NRXN3: variants seen among roughly 807,000 people sequenced by gnomAD.
The protein encoded by NRXN3 is neurexin 3, also known as neurexin III.
Under a neutral mutation model 137.6 loss-of-function variants are expected in NRXN3, and 32 were observed. The ratio of observed to expected loss-of-function variants is 0.23; its 90% confidence interval spans 0.18 to 0.31. NRXN3 has a LOEUF of 0.31. Ranked by LOEUF, NRXN3 falls within the 10% of genes least tolerant of loss-of-function variation. The probability of loss-of-function intolerance (pLI) is 1.00; values close to 1 mark genes in which losing one functional copy is unlikely to be tolerated. For synonymous variants in NRXN3, 798 were observed against 784.5 expected (o/e 1.02, Z -0.29); for missense variants, 1,574 against 2,062.5 (o/e 0.76, Z 4.59).
chr14:78,931,595 T>C (rs1400177567), intron 10 of NRXN3, among the ~76,000 whole-genome samples: 2 of 152,102 alleles, frequency 1.3e-5, no homozygotes, highest in African/African-American at 4.8e-5. Flanking sequence ...CTGAGAATCA[T>C]ATATTTAGTG....
chr14:78,250,212 C>G (rs1432607576), intron 2 of NRXN3: 1 of 393,530 alleles, frequency 2.5e-6, no homozygotes, highest in African/African-American at 2.1e-5. Flanking sequence ...CTGTCAACCA[C>G]CATGCTATCT....
At chr14:79,186,695 C>A (rs1401921406) in intron 15 of NRXN3, among the ~76,000 whole-genome samples, 1 of 152,084 alleles carries the variant, frequency 6.6e-6, no homozygotes, top group Non-Finnish European at 1.5e-5. Flanking sequence ...AGGATGACCT[C>A]CCAAGAAGGG....
At chr14:79,228,066 A>C (rs1451382792) in intron 15 of NRXN3, among the ~76,000 whole-genome samples, 1 of 152,186 alleles carries the variant, frequency 6.6e-6, no homozygotes, top group Non-Finnish European at 1.5e-5. Context: ...AGACCTATGC[A>C]TTCAGATACC....
intron 4 of NRXN3, among the ~76,000 whole-genome samples, chr14:78,601,846 G>A (rs2097204772): frequency 6.6e-6 from 1 of 152,138 alleles, no homozygotes; most frequent in African/African-American, 2.4e-5. Context: ...TGGTAAAAAG[G>A]TTTATGCTAT....
intron 10 of NRXN3, among the ~76,000 whole-genome samples, chr14:78,846,104 A>G (rs2099026211): frequency 6.6e-6 from 1 of 152,098 alleles, no homozygotes; most frequent in Non-Finnish European, 1.5e-5. Flanking sequence ...ACTCATAAAC[A>G]TCCTATCTGC....
intron 16 of NRXN3, among the ~76,000 whole-genome samples, chr14:79,507,710 T>C (rs2096891629): frequency 1.3e-5 from 2 of 152,078 alleles, no homozygotes; most frequent in African/African-American, 4.8e-5. Context: ...GCCCAAACCA[T>C]ACCCCAAGGG....
At chr14:78,842,251 T>C (rs1474297188) in intron 10 of NRXN3, among the ~76,000 whole-genome samples, 1 of 152,148 alleles carries the variant, frequency 6.6e-6, no homozygotes, top group African/African-American at 2.4e-5. Context: ...TAGGTTCTTT[T>C]CTATTTTCCC....
chr14:78,650,771 T>G (rs2152625185), intron 5 of NRXN3, among the ~76,000 whole-genome samples: 1 of 152,302 alleles, frequency 6.6e-6, no homozygotes, highest in East Asian at 1.9e-4. Context: ...TCAAATGTCT[T>G]CTTTGCTGTT....
intron 15 of NRXN3, among the ~76,000 whole-genome samples, chr14:79,210,752 A>G (rs1297364911): frequency 6.6e-6 from 1 of 152,186 alleles, no homozygotes; most frequent in Non-Finnish European, 1.5e-5. Flanking sequence ...TTACTTTGTC[A>G]CTTTCTAATT....
At position 79,645,852 on chromosome 14, in the gene NRXN3, A is replaced by G. The variant is rs1341696020; in HGVS notation, c.3445-17926A>G. ...TGAAACTTGCCCTTTTGGCAACAAC[A>G]GATTTATTGGCACCAAGGAATAGTT... On this transcript the variant is annotated intron_variant, in intron 16 of 20. Transcript: ENST00000335750. Among the ~76,000 whole-genome samples the G allele has an allele frequency of 3.0e-5, 4 of 135,352 alleles. 1 individual carries two copies. Among genetic ancestry groups the G allele is most frequent in the Non-Finnish European group, 6.9e-5 (4 of 58,240 alleles). 88.8% of individuals were successfully genotyped at this position (135,352 alleles called of 152,430 possible).
At chr14:79,655,369 G>T (rs996700959) in intron 16 of NRXN3, among the ~76,000 whole-genome samples, 1 of 152,182 alleles carries the variant, frequency 6.6e-6, no homozygotes, top group East Asian at 1.9e-4. Context: ...CAGTCGGAGA[G>T]CTTATCGATA....
chr14:78,274,553 A>C (rs896818485), intron 2 of NRXN3, among the ~76,000 whole-genome samples: 1 of 152,220 alleles, frequency 6.6e-6, no homozygotes, highest in Non-Finnish European at 1.5e-5. Flanking sequence ...GGGACACAGC[A>C]AAACCGTATC....
intron 16 of NRXN3, among the ~76,000 whole-genome samples, chr14:79,659,307 G>A (rs988757064): frequency 1.3e-5 from 2 of 151,984 alleles, no homozygotes; most frequent in African/African-American, 4.8e-5. Context: ...TGTCTTGGTA[G>A]CAACTTTAGT....
At chr14:78,275,372 C>A (rs1036037794) in intron 2 of NRXN3, among the ~76,000 whole-genome samples, 10 of 152,274 alleles carry the variant, frequency 6.6e-5, no homozygotes, top group African/African-American at 2.2e-4. Flanking sequence ...ATAAAACTCG[C>A]AGAAATACTT....
intron 4 of NRXN3, among the ~76,000 whole-genome samples, chr14:78,604,317 G>A (rs1268125888): frequency 7.4e-6 from 1 of 134,750 alleles, no homozygotes; most frequent in African/African-American, 2.8e-5. Flanking sequence ...TTTTTTTTTT[G>A]ATTTACAAGT....
chr14:79,750,013 G>T (rs1215195675), intron 19 of NRXN3, among the ~76,000 whole-genome samples: 1 of 152,124 alleles, frequency 6.6e-6, no homozygotes, highest in African/African-American at 2.4e-5. Flanking sequence ...AGATAATTTT[G>T]ATGAGTCTGA....
At chr14:79,516,890 A>G (rs113049466) in intron 16 of NRXN3, among the ~76,000 whole-genome samples, 1,542 of 152,194 alleles carry the variant, frequency 0.01, 28 homozygotes, top group African/African-American at 0.036. Context: ...TGCCTTATTT[A>G]CTTAACTGTT....
Position 78,690,544 on chromosome 14 carries a change from C to T in NRXN3, c.1222-18673C>T, listed in dbSNP as rs144329854. Among the ~76,000 whole-genome samples, 3 of 152,258 alleles carry T rather than the reference C, an allele frequency of 2.0e-5. No individual in the cohort carries two copies. The East Asian group carries it at 5.8e-4, about 29-fold the overall frequency. On this transcript the variant is annotated intron_variant, in intron 6 of 20. Coordinates refer to ENST00000335750, the MANE Select transcript of NRXN3 (RefSeq NM_001330195.2). ...AGGTCAGAGACCATGTCCTAACATT[C>T]AGTAAGCTCTCCATGGTTGTTTGTT...
At chr14:79,289,577 G>A (rs977876980) in intron 15 of NRXN3, among the ~76,000 whole-genome samples, 2 of 152,008 alleles carry the variant, frequency 1.3e-5, no homozygotes, top group Non-Finnish European at 2.9e-5. Flanking sequence ...CCAAGATCAC[G>A]CCATTGCACT....
Sources: allele counts gnomAD v4.1 joint callset (sites outside exome capture counted in the v4.1 genomes callset), GRCh38; gene constraint gnomAD v4.1.1; transcripts MANE v1.5; gene names NCBI Gene and HGNC (gene_info 2026-07-23, HGNC 2026-07-21).